Variants in USP34 observed in about 807,000 individuals in gnomAD.
USP34 encodes the protein ubiquitin specific peptidase 34.
In USP34, 70 loss-of-function variants were observed where a neutral mutation model predicts 460.3. The ratio of observed to expected loss-of-function variants is 0.15; its 90% CI spans 0.13 to 0.19. The LOEUF (loss-of-function observed/expected upper bound fraction) is 0.19, where lower values mean the gene tolerates loss of function less well. Ranked by LOEUF, USP34 falls within the 10% of genes least tolerant of loss-of-function variation. The pLI is 1.00. For missense variants in USP34, 3,985 were observed against 4,236.2 expected (o/e 0.94, Z 1.65); for synonymous variants, 1,647 against 1,405.3 (o/e 1.17, Z -3.85).
chr2:61,350,743 G>A (rs1016477760), intron 10 of USP34, 50 bp from the exon 11 acceptor site: 2 of 1,566,274 alleles, frequency 1.3e-6, no homozygotes, highest in East Asian at 2.3e-5. Context: ...CCCAATACAT[G>A]TAGATTACCT....
At chr2:61,345,273 A>T (rs1438630814) in intron 15 of USP34, among the ~76,000 whole-genome samples, 103 of 64,608 alleles carry the variant, frequency 1.6e-3, no homozygotes, top group African/African-American at 4.2e-3. Flanking sequence ...GACTGTGTTT[A>T]AAAAAAAAAA....
chr2:61,466,258 C>T (rs749320251), intron 1 of USP34, among the ~76,000 whole-genome samples: 1 of 151,934 alleles, frequency 6.6e-6, no homozygotes, highest in Admixed American at 6.6e-5. Context: ...AACCCCATCT[C>T]TACTAAAAAT....
chr2:61,246,892 T>TAC (rs1035383478), intron 49 of USP34, among the ~76,000 whole-genome samples: 3 of 152,294 alleles, frequency 2.0e-5, no homozygotes, highest in East Asian at 3.9e-4. Flanking sequence ...ATTTAATCTT[T>TAC]ACTAGGAGCA....
chr2:61,221,670 G>T (rs533177559), intron 65 of USP34, 64 bp from the exon 66 acceptor site: 2 of 1,462,744 alleles, frequency 1.4e-6, no homozygotes, highest in Non-Finnish European at 1.9e-6. Context: ...CAGCAGAGAA[G>T]AAACATATAT....
intron 27 of USP34, among the ~76,000 whole-genome samples, chr2:61,304,673 G>C (rs1226570944): frequency 6.6e-5 from 10 of 152,164 alleles, no homozygotes; most frequent in African/African-American, 2.4e-4. Context: ...CTTGATCTTG[G>C]AATTCCCAGG....
intron 2 of USP34, among the ~76,000 whole-genome samples, chr2:61,419,543 G>T (rs568200211): frequency 1.7e-4 from 26 of 152,140 alleles, no homozygotes; most frequent in South Asian, 1.2e-3. Flanking sequence ...ATTAGGAATG[G>T]GAACATATAA....
At chr2:61,348,591 C>G in intron 14 of USP34, 111 bp from the exon 15 acceptor site, 1 of 1,456,318 alleles carries the variant, frequency 6.9e-7, no homozygotes. Flanking sequence ...TGTTATACTC[C>G]TTTGAACAAT....
In USP34 at chr2:61,314,960, G is replaced by A; in HGVS notation, c.3297C>T (p.Asp1099=). The change falls in exon 24 of 80, where the codon GAC becomes GAT. Residue 1099 remains aspartate (D), a synonymous_variant. Coordinates refer to ENST00000398571, the MANE Select transcript of USP34 (RefSeq NM_014709.4). ...CTCTTAAAGCAATGCCCCAAAATTG[G>A]TCCATACCACACAGCTAAGAAAGAA... is the stretch of plus-strand genomic sequence containing the variant. ...GCSNSELCGM[D]QFWGIALRAQ... The A allele has an allele frequency of 6.2e-7, 1 of 1,613,288 alleles. No individual in the cohort carries two copies. Among genetic ancestry groups the A allele is most frequent in the Non-Finnish European group, 8.5e-7 (1 of 1,179,734 alleles).
Position 61,208,931 on chromosome 2 carries a change from C to T in USP34, c.8887G>A (p.Val2963Ile). Reference sequence around the variant, plus strand: ...ATTAGAATCAATCCTCGATTAAATACAACAAGAAGTCTGTCTTCATCAGAT... The same window carrying T: ...ATTAGAATCAATCCTCGATTAAATATAACAAGAAGTCTGTCTTCATCAGAT... ...LESDEDRLLV[V>I]FNRGLILMTE... Residue 2963 changes from valine (V) to isoleucine (I), a missense_variant, in exon 70 of 80, where the codon GTA becomes ATA. This residue lies in a region of USP34 where 275 missense variants were observed against 292.7 expected (regional missense o/e 0.94). Coordinates refer to ENST00000398571, the MANE Select transcript of USP34 (RefSeq NM_014709.4). 6.3e-7 allele frequency: 1 copy of T among 1,594,718 alleles called. No homozygotes were observed. The highest frequency in any genetic ancestry group is 1.2e-5 in the South Asian group (1 of 86,274).
chr2:61,300,622 C>A (rs963571947), intron 29 of USP34, among the ~76,000 whole-genome samples: 1 of 151,000 alleles, frequency 6.6e-6, no homozygotes, highest in African/African-American at 2.4e-5. Flanking sequence ...ACAGTGAAAC[C>A]CCATCTCTAC....
chr2:61,370,168 A>G (rs1692576113), intron 10 of USP34, among the ~76,000 whole-genome samples, 153 bp downstream of exon 10: 1 of 152,178 alleles, frequency 6.6e-6, no homozygotes, highest in Non-Finnish European at 1.5e-5. Flanking sequence ...GTAACATAGT[A>G]AGACATGGAC....
intron 76 of USP34, chr2:61,191,362 A>G (rs1302339506): frequency 1.3e-5 from 2 of 152,110 alleles, no homozygotes; most frequent in African/African-American, 4.8e-5. Flanking sequence ...AAAAAGCAAT[A>G]TATTTTTTAA....
At chr2:61,232,593 C>T (rs988046173) in intron 57 of USP34, 61 bp from the exon 58 acceptor site, 116 of 1,288,312 alleles carry the variant, frequency 9.0e-5, no homozygotes, top group Non-Finnish European at 1.2e-4. Context: ...CATGGGATAA[C>T]AGTCACATAA....
At chr2:61,206,247 G>A (rs781745706) in intron 71 of USP34, 123 bp from the exon 72 acceptor site, 2 of 748,816 alleles carry the variant, frequency 2.7e-6, no homozygotes, top group Non-Finnish European at 4.4e-6. Flanking sequence ...AACATCTTCA[G>A]TGAAAGCTAA....
intron 2 of USP34, among the ~76,000 whole-genome samples, chr2:61,415,960 G>A (rs1694181629): frequency 1.3e-5 from 2 of 152,154 alleles, no homozygotes; most frequent in African/African-American, 4.8e-5. Flanking sequence ...CATTCATGAG[G>A]AATCTACATG....
intron 19 of USP34, among the ~76,000 whole-genome samples, chr2:61,332,259 T>C (rs1458326444): frequency 3.9e-5 from 6 of 152,066 alleles, no homozygotes; most frequent in African/African-American, 1.4e-4. Context: ...TAATATGTAC[T>C]AAATATTAAG....
intron 34 of USP34, among the ~76,000 whole-genome samples, chr2:61,286,112 A>G (rs1247466808): frequency 6.6e-6 from 1 of 152,214 alleles, no homozygotes; most frequent in East Asian, 1.9e-4. Flanking sequence ...TGTTTAGGCT[A>G]AATTTTGCAA....
intron 21 of USP34, among the ~76,000 whole-genome samples, chr2:61,321,662 T>C (rs1015932930): frequency 1.3e-4 from 20 of 152,224 alleles, no homozygotes; most frequent in Non-Finnish European, 2.1e-4. Context: ...ACATAATTTA[T>C]GTTTTTAAAA....
intron 16 of USP34, among the ~76,000 whole-genome samples, chr2:61,340,813 CATAG>C (rs1425532941): frequency 1.3e-5 from 2 of 148,568 alleles, no homozygotes; most frequent in Admixed American, 6.7e-5. Context: ...CAATCCATTT[CATAG>C]ATATATAATT....
Sources: gnomAD v4.1 joint callset for allele counts (sites outside exome capture counted in the v4.1 genomes callset) on GRCh38, gnomAD v4.1.1 for gene constraint, gnomAD v4.1.1 regional missense constraint, MANE v1.5 for transcripts, NCBI Gene and HGNC (gene_info 2026-07-23, HGNC 2026-07-21) for gene names.